Variants in CLNK observed in about 807,000 individuals in gnomAD.
The protein encoded by CLNK is cytokine-dependent hematopoietic cell linker.
In CLNK, 74 loss-of-function variants were observed where a neutral mutation model predicts 68.6. The ratio of observed to expected loss-of-function variants is 1.08; its 90% CI spans 0.89 to 1.31. The LOEUF is 1.31. CLNK is among the 50% of genes most tolerant of loss of function. CLNK has a pLI of 0.00. For missense variants in CLNK, 553 were observed against 515.3 expected, an observed-to-expected ratio of 1.07 and a Z score of -0.71; for synonymous variants, 198 against 172.2, an observed-to-expected ratio of 1.15 and a Z score of -1.17.
chr4:10,697,966 GA>G, the CLNK span, among the ~76,000 whole-genome samples: 1 of 152,192 alleles, frequency 6.6e-6, no homozygotes, highest in South Asian at 2.1e-4. Context: ...ACAGAACCAT[GA>G]AGACCAGAAC....
At chr4:10,570,438 T>C (rs542242860) in intron 5 of CLNK, among the ~76,000 whole-genome samples, 3 of 152,340 alleles carry the variant, frequency 2.0e-5, no homozygotes, top group East Asian at 1.9e-4. Context: ...GTTTTAAATA[T>C]AGAGTTATAT....
At chr4:10,667,808 T>C in intron 2 of CLNK, 51 bp downstream of exon 2, 1 of 1,537,502 alleles carries the variant, frequency 6.5e-7, no homozygotes, top group Admixed American at 2.0e-5. Flanking sequence ...ACACCTCCTG[T>C]CCCCACCAAG....
intron 4 of CLNK, among the ~76,000 whole-genome samples, chr4:10,574,769 C>G (rs774763956): frequency 1.3e-5 from 2 of 152,196 alleles, no homozygotes; most frequent in Non-Finnish European, 2.9e-5. Flanking sequence ...TGACCCCTGA[C>G]CTAACCGCTT....
the CLNK span, among the ~76,000 whole-genome samples, chr4:10,727,032 C>T: frequency 0.43 from 65,487 of 152,034 alleles, 14,892 homozygotes; most frequent in East Asian, 0.69. Context: ...TCAGACACAG[C>T]AGTATCCCAG....
At chr4:10,722,212 A>G in the CLNK span, among the ~76,000 whole-genome samples, 2 of 152,148 alleles carry the variant, frequency 1.3e-5, no homozygotes, top group African/African-American at 4.8e-5. Context: ...ATGCAAGAGG[A>G]AAGGAGGGAG....
At chr4:10,653,974 T>G (rs1723856730) in intron 2 of CLNK, among the ~76,000 whole-genome samples, 1 of 150,910 alleles carries the variant, frequency 6.6e-6, no homozygotes, top group South Asian at 2.1e-4. Context: ...AACCAATAGC[T>G]GAAAATCTTC....
At chr4:10,698,809 T>C in the CLNK span, among the ~76,000 whole-genome samples, 217 of 152,090 alleles carry the variant, frequency 1.4e-3, no homozygotes, top group African/African-American at 5.1e-3. Flanking sequence ...TGTTTCTGAA[T>C]GAGATTAACA....
intron 2 of CLNK, among the ~76,000 whole-genome samples, chr4:10,610,771 AACACACACACACACACACAC>A (rs59809551): frequency 4.8e-5 from 7 of 144,504 alleles, no homozygotes; most frequent in South Asian, 2.3e-4. Context: ...ATAAAAAAGC[AACACACACACACACACACAC>A]ACACACACAC....
At chr4:10,541,221 AC>A (rs1475193130) in intron 10 of CLNK, among the ~76,000 whole-genome samples, 3,473 of 26,822 alleles carry the variant, frequency 0.13, 132 homozygotes, top group Non-Finnish European at 0.25. Context: ...CAAAAAAAAA[AC>A]AAAAAAAAAA....
At chr4:10,541,921 T>C in intron 10 of CLNK, 101 bp downstream of exon 10, 4 of 892,410 alleles carry the variant, frequency 4.5e-6, no homozygotes, top group Non-Finnish European at 7.0e-6. Flanking sequence ...TGAAATCATA[T>C]TAGATTTTCA....
At chr4:10,544,948 A>G (rs1719169183) in intron 8 of CLNK, among the ~76,000 whole-genome samples, 1 of 151,948 alleles carries the variant, frequency 6.6e-6, no homozygotes, top group Non-Finnish European at 1.5e-5. Flanking sequence ...GAACTCAATA[A>G]CCCATTAATT....
rs11947023 is a variant in CLNK at position 10,542,821 on chromosome 4, G to T, written c.446-541C>A. Among the ~76,000 whole-genome samples, 944 of 150,560 alleles carry T rather than the reference G, an allele frequency of 6.3e-3. 11 individuals are homozygous for T. The highest frequency in any genetic ancestry group is 0.022 in the African/African-American group (890 of 41,032). On this transcript the variant is annotated intron_variant, in intron 8 of 18. Transcript: ENST00000226951. ...CAGAATCCAACTTCTTTATTTTATG[G>T]ATGAAAAAAAAAACTAAGGACAAAC...
chr4:10,508,302 T>C (rs956276781), intron 16 of CLNK, among the ~76,000 whole-genome samples: 2 of 152,166 alleles, frequency 1.3e-5, no homozygotes, highest in African/African-American at 4.8e-5. Flanking sequence ...ACCTTCAGAA[T>C]GGATAATAAG....
chr4:10,610,910 A>G (rs1435341753), intron 2 of CLNK, among the ~76,000 whole-genome samples: 5 of 152,152 alleles, frequency 3.3e-5, no homozygotes, highest in African/African-American at 4.8e-5. Flanking sequence ...TGAGCTGGCC[A>G]TGGTGGTTCA....
intron 2 of CLNK, among the ~76,000 whole-genome samples, chr4:10,618,398 T>C (rs1393842359): frequency 1.3e-5 from 2 of 152,206 alleles, no homozygotes; most frequent in African/African-American, 2.4e-5. Context: ...TAAATGGGTA[T>C]AAGAAATCTT....
intron 14 of CLNK, among the ~76,000 whole-genome samples, chr4:10,524,189 A>G (rs1241816052): frequency 6.6e-6 from 1 of 152,164 alleles, no homozygotes; most frequent in Non-Finnish European, 1.5e-5. Context: ...CAGTCCCCAA[A>G]GCACAATGAA....
chr4:10,611,279 C>G (rs942006268), intron 2 of CLNK, among the ~76,000 whole-genome samples: 1 of 152,192 alleles, frequency 6.6e-6, no homozygotes, highest in Non-Finnish European at 1.5e-5. Context: ...GATCACAGTA[C>G]TGCACTCCAG....
At chr4:10,611,147 G>A (rs536702378) in intron 2 of CLNK, among the ~76,000 whole-genome samples, 259 of 152,234 alleles carry the variant, frequency 1.7e-3, no homozygotes, top group African/African-American at 5.2e-3. Flanking sequence ...GTGAAACCCC[G>A]TCTCTACTAA....
chr4:10,571,813 C>A, intron 4 of CLNK, 35 bp from the exon 5 acceptor site: 1 of 1,572,536 alleles, frequency 6.4e-7, no homozygotes, highest in East Asian at 2.2e-5. Flanking sequence ...TTATTTTAAT[C>A]ACTGTGGTAG....
Sources: gnomAD v4.1 joint callset for allele counts (sites outside exome capture counted in the v4.1 genomes callset) on GRCh38, gnomAD v4.1.1 for gene constraint, MANE v1.5 for transcripts, NCBI Gene and HGNC (gene_info 2026-07-23, HGNC 2026-07-21) for gene names.